The following LSG1 variants were observed in gnomAD, a reference collection of about 807,000 sequenced individuals.
LSG1 encodes the protein large 60S subunit nuclear export GTPase 1, also known as large subunit GTPase 1 homolog.
LSG1 carries 55 observed loss-of-function variants against 82.6 expected under a neutral mutation model. The observed-to-expected ratio is 0.67, with a 90% CI of 0.54 to 0.83. The LOEUF is 0.83. Among genes scored for constraint, LSG1 ranks in the 40% least tolerant of loss-of-function variants. LSG1 has a pLI of 0.00. For missense variants in LSG1, 809 were observed against 807.9 expected (o/e 1.00, Z -0.02); for synonymous variants, 272 against 282.5 (o/e 0.96, Z 0.37).
At chr3:194,643,559 C>A (rs1718443595) in intron 13 of LSG1, among the ~76,000 whole-genome samples, 1 of 152,120 alleles carries the variant, frequency 6.6e-6, no homozygotes, top group African/African-American at 2.4e-5. Context: ...TAAACATTGA[C>A]AAGGATGAGG....
intron 2 of LSG1, among the ~76,000 whole-genome samples, chr3:194,669,096 A>G (rs1482094813): frequency 6.6e-6 from 1 of 152,218 alleles, no homozygotes; most frequent in Non-Finnish European, 1.5e-5. Flanking sequence ...GGCAGGATGA[A>G]TAAGTTCTGG....
rs142062797 is a variant in LSG1 at position 194,666,216 on chromosome 3, G to T, written c.421C>A (p.Arg141Ser). The T allele has an allele frequency of 3.6e-5, 58 of 1,613,922 alleles. 1 individual carries two copies. The South Asian group carries it at 6.1e-4, about 17-fold the overall frequency. The change falls in exon 4 of 14, where the codon CGT becomes AGT. Residue 141 changes from arginine (R) to serine (S), a missense_variant. Coordinates refer to ENST00000265245, the MANE Select transcript of LSG1 (RefSeq NM_018385.3). ...AEKDNFLEWRRQLVRLEEEQK... is the reference protein window; with the variant it reads ...AEKDNFLEWRSQLVRLEEEQK... ...TATAATACTCACCGGACAAGCTGAC[G>T]TCTCCATTCTAGAAAGTTATCTTTC...
chr3:194,660,037 A>G lies in LSG1; in HGVS notation c.582+36T>C, dbSNP rs758962035. The G allele has an allele frequency of 2.2e-5, 34 of 1,572,960 alleles. No homozygotes were observed. In the South Asian group the frequency reaches 3.1e-4, roughly 14 times the overall value. On this transcript the variant is annotated intron_variant, in intron 6 of 13. Coordinates refer to ENST00000265245, the MANE Select transcript of LSG1 (RefSeq NM_018385.3). ...ATGCGGTGCTGGCACTGCTACTCAA[A>G]GGACTGATGTTTGAATTTTGTCAAA...
intron 11 of LSG1, 93 bp from the exon 12 acceptor site, chr3:194,646,336 T>C: frequency 1.1e-6 from 1 of 910,442 alleles, no homozygotes; most frequent in Non-Finnish European, 1.8e-6. Context: ...CTAAGCATTC[T>C]TACTCTTGGA....
At chr3:194,644,859 T>G (rs2108614464) in intron 12 of LSG1, 113 bp from the exon 13 acceptor site, 1 of 791,934 alleles carries the variant, frequency 1.3e-6, no homozygotes, top group Middle Eastern at 3.7e-4. Context: ...CTGGTTAAGT[T>G]AGCTGAGTTG....
chr3:194,671,270 C>CAACTGG, intron 1 of LSG1, among the ~76,000 whole-genome samples: 1 of 152,130 alleles, frequency 6.6e-6, no homozygotes, highest in African/African-American at 2.4e-5. Context: ...TGCTTCAAAG[C>CAACTGG]TAATAAAAAT....
chr3:194,657,720 T>C (rs191661887), intron 7 of LSG1, among the ~76,000 whole-genome samples: 14 of 152,196 alleles, frequency 9.2e-5, no homozygotes, highest in Admixed American at 9.2e-4. Context: ...GGAGCTGGTG[T>C]CTATGAGGAA....
At chr3:194,662,561 G>A (rs1434490647) in intron 5 of LSG1, among the ~76,000 whole-genome samples, 4 of 152,112 alleles carry the variant, frequency 2.6e-5, no homozygotes, top group Admixed American at 6.5e-5. Context: ...TCAGGAGTTC[G>A]AGACCAGCCT....
intron 11 of LSG1, among the ~76,000 whole-genome samples, chr3:194,648,479 A>G (rs1718600725): frequency 6.6e-6 from 1 of 152,232 alleles, no homozygotes; most frequent in Non-Finnish European, 1.5e-5. Context: ...TCAAAGCAGC[A>G]AACGTCCTAA....
chr3:194,657,811 T>A (rs907030468), intron 7 of LSG1, among the ~76,000 whole-genome samples: 2 of 152,148 alleles, frequency 1.3e-5, no homozygotes, highest in African/African-American at 4.8e-5. Context: ...GGTGGCTGAC[T>A]TCGTTTCACT....
Position 194,642,184 on chromosome 3 carries a change from C to A in LSG1, c.1861G>T (p.Val621Leu). Residue 621 changes from valine (V) to leucine (L), a missense_variant, in exon 14 of 14, where the codon GTA becomes TTA. By Grantham distance (32) the Val-to-Leu change is conservative. Transcript: ENST00000265245. ...GAGCTCGCAGTGGATGCAGTCACTA[C>A]ACCACTCCCGGGCTTGTAACCCATC... ...AVMGYKPGSG[V>L]VTASTASSEN... The A allele has an allele frequency of 1.9e-6, 3 of 1,614,134 alleles. No individual in the cohort carries two copies. Among genetic ancestry groups the A allele is most frequent in the Non-Finnish European group, 2.5e-6 (3 of 1,180,028 alleles).
intron 12 of LSG1, 127 bp from the exon 13 acceptor site, chr3:194,644,873 T>A: frequency 3.2e-6 from 2 of 618,950 alleles, no homozygotes; most frequent in Non-Finnish European, 5.1e-6. Context: ...TGAGTTGAGT[T>A]TTGGTCTACT....
In LSG1 at chr3:194,672,109, G is replaced by A. The variant is rs767473143; in HGVS notation, c.54C>T (p.Arg18=). Residue 18 remains arginine, a synonymous_variant, in exon 1 of 14, where the codon CGC becomes CGT. Transcript: ENST00000265245. ...GGCTTCGGCTCCGCTGAGTCTGATG[G>A]CGCATAAGGGCCCGTCCCAGCGACC... is the stretch of plus-strand genomic sequence containing the variant. ...AGGSLGRALM[R]HQTQRSRSHR... is the part of the protein sequence containing the mutation. The A allele has an allele frequency of 1.2e-6, 2 of 1,609,828 alleles. No individual in the cohort carries two copies. The highest frequency in any genetic ancestry group is 1.1e-5 in the South Asian group (1 of 91,082).
chr3:194,657,494 G>A (rs932650647), intron 7 of LSG1, among the ~76,000 whole-genome samples: 23 of 143,462 alleles, frequency 1.6e-4, no homozygotes, highest in African/African-American at 5.1e-4. Flanking sequence ...TGAGGGATTC[G>A]GTTGCTCACA....
At chr3:194,654,174 GCA>G (rs1718745391) in intron 7 of LSG1, among the ~76,000 whole-genome samples, 1 of 152,168 alleles carries the variant, frequency 6.6e-6, no homozygotes, top group African/African-American at 2.4e-5. Flanking sequence ...GCACCATGGA[GCA>G]CACACAGATC....
rs1560219752 is a variant in LSG1, at chr3:194,645,553, CACACACACACACACACAGACAG to C, written c.1623+589_1623+610del. Among the ~76,000 whole-genome samples, 145 of 45,404 alleles carry C rather than the reference CACACACACACACACACAGACAG, an allele frequency of 3.2e-3. 6 individuals carry two copies. Among genetic ancestry groups the C allele is most frequent in the Middle Eastern group, 0.013 (1 of 78 alleles). 29.8% of individuals were successfully genotyped at this position (45,404 alleles called of 152,430 possible). A position where few individuals can be genotyped will look rare whatever the true frequency, so the allele number is the denominator to read the frequency against. On this transcript the variant is annotated intron_variant, in intron 12 of 13. Coordinates refer to ENST00000265245, the MANE Select transcript of LSG1 (RefSeq NM_018385.3). ...ACAGACAGACACACACACACACACA[CACACACACACACACACAGACAG>C]ACACACACACACACACACACACACA...
chr3:194,642,252 G>A lies in LSG1; in HGVS notation c.1798-5C>T, dbSNP rs1334074188. ...GGTCAAAGCCCTCACATTCTCCTAG[G>A]AAATAAGAGAAAACATTATCTGAGC... On this transcript the variant is annotated splice_region_variant and splice_polypyrimidine_tract_variant and intron_variant, in intron 13 of 13. Transcript: ENST00000265245. 5 of 1,609,750 alleles carry A rather than the reference G, an allele frequency of 3.1e-6. No individual in the cohort carries two copies. Among genetic ancestry groups the A allele is most frequent in the Admixed American group, 1.7e-5 (1 of 59,166 alleles).
intron 2 of LSG1, 44 bp downstream of exon 2, chr3:194,669,965 G>T: frequency 6.3e-7 from 1 of 1,579,068 alleles, no homozygotes; most frequent in Non-Finnish European, 8.6e-7. Flanking sequence ...AGCCCCAGAT[G>T]GAAATGTGAC....
At chr3:194,658,148 G>A (rs749082506) in intron 7 of LSG1, among the ~76,000 whole-genome samples, 1 of 152,018 alleles carries the variant, frequency 6.6e-6, no homozygotes, top group East Asian at 1.9e-4. Context: ...CATAGCTGTT[G>A]TTATTATTAT....
Sources: gnomAD v4.1 joint callset for allele counts (sites outside exome capture counted in the v4.1 genomes callset) on GRCh38, gnomAD v4.1.1 for gene constraint, MANE v1.5 for transcripts, NCBI Gene and HGNC (gene_info 2026-07-23, HGNC 2026-07-21) for gene names.